The following SAMD15 variants were observed in gnomAD, a reference collection of about 807,000 sequenced individuals.
SAMD15 encodes sterile alpha motif domain containing 15.
SAMD15 carries 37 observed loss-of-function variants against 50.5 expected under a neutral mutation model. The ratio of observed to expected loss-of-function variants is 0.73; its 90% CI spans 0.56 to 0.96. The LOEUF is 0.96. Ranked by LOEUF, SAMD15 falls within the 40% of genes least tolerant of loss-of-function variation. The pLI is 0.00. For synonymous variants in SAMD15, 255 were observed against 282.8 expected (o/e 0.90, Z 0.99); for missense variants, 789 against 783.8 (o/e 1.01, Z -0.08).
At chr14:77,386,146 G>A (rs1390821436) in intron 2 of SAMD15, among the ~76,000 whole-genome samples, 1 of 152,100 alleles carries the variant, frequency 6.6e-6, no homozygotes, top group Non-Finnish European at 1.5e-5. Flanking sequence ...ATGAACCACT[G>A]CGCCTGGCCT....
chr14:77,388,397 G>A (rs2139653164), intron 2 of SAMD15, among the ~76,000 whole-genome samples: 1 of 149,512 alleles, frequency 6.7e-6, no homozygotes, highest in African/African-American at 2.5e-5. Flanking sequence ...GTGTGTGTGT[G>A]TGTGTGTGTG....
intron 1 of SAMD15, among the ~76,000 whole-genome samples, chr14:77,380,160 C>T (rs897097069): frequency 1.3e-5 from 2 of 152,154 alleles, no homozygotes; most frequent in African/African-American, 4.8e-5. Context: ...GGCAGGAGGA[C>T]TGCTTGAGTC....
intron 2 of SAMD15, 150 bp downstream of exon 2, chr14:77,380,631 C>T (rs1033132431): frequency 3.3e-6 from 2 of 609,422 alleles, no homozygotes; most frequent in Admixed American, 2.8e-5. Flanking sequence ...TGGTTGCCTC[C>T]TCTTTCTCCT....
intron 2 of SAMD15, among the ~76,000 whole-genome samples, chr14:77,389,493 A>G (rs1594863681): frequency 7.6e-6 from 1 of 132,176 alleles, no homozygotes; most frequent in Admixed American, 8.3e-5. Flanking sequence ...AAAGGCAATC[A>G]CAATTTTTTT....
intron 2 of SAMD15, among the ~76,000 whole-genome samples, chr14:77,384,132 T>C (rs962641998): frequency 2.0e-5 from 3 of 152,198 alleles, no homozygotes; most frequent in African/African-American, 7.2e-5. Context: ...ACCCACAATT[T>C]ATCCCATAAC....
intron 1 of SAMD15, 48 bp downstream of exon 1, chr14:77,379,155 C>G: frequency 2.0e-6 from 3 of 1,528,196 alleles, no homozygotes; most frequent in South Asian, 2.4e-5. Flanking sequence ...CATCCGTCTA[C>G]TTCTTATTCC....
rs561903652 is a variant in SAMD15 at position 77,380,696 on chromosome 14, G to A, written c.1788+215G>A. ...CCATTGCTCCTGTGGCACTTACACC[G>A]TCTGGCTTTCTTCATTCCCACTTTT... On this transcript the variant is annotated intron_variant, in intron 2 of 2. Coordinates refer to ENST00000216471, the MANE Select transcript of SAMD15 (RefSeq NM_001010860.4). 7.9e-5 allele frequency among the ~76,000 whole-genome samples: 12 copies of A among 151,982 alleles called. No homozygotes were observed. In the South Asian group the frequency reaches 1.0e-3, roughly 13 times the overall value.
At position 77,391,021 on chromosome 14, in the gene SAMD15, A is replaced by C; in HGVS notation, c.1802A>C (p.His601Pro). 1 of 1,609,068 alleles carries C rather than the reference A, an allele frequency of 6.2e-7. No individual in the cohort carries two copies. Among genetic ancestry groups the C allele is most frequent in the South Asian group, 1.1e-5 (1 of 90,024 alleles). Reference sequence around the variant, plus strand: ...CTTGCGTTTCAGGCAATTTCTCGGCATACGCAGGAGCTCCTGGAAATTGAA... The same window carrying C: ...CTTGCGTTTCAGGCAATTTCTCGGCCTACGCAGGAGCTCCTGGAAATTGAA... ...NFEDMKAISR[H>P]TQELLEIEEP... Residue 601 changes from histidine (H) to proline (P), a missense_variant, in exon 3 of 3, where the codon CAT (histidine) becomes CCT (proline). His to Pro is a moderately conservative substitution (Grantham distance 77, BLOSUM62 -2). This residue lies in a region of SAMD15 where 770 missense variants were observed against 745.4 expected (regional missense o/e 1.03). Transcript: ENST00000216471.
intron 2 of SAMD15, among the ~76,000 whole-genome samples, chr14:77,383,815 A>C (rs1318007585): frequency 6.6e-6 from 1 of 151,970 alleles, no homozygotes; most frequent in East Asian, 1.9e-4. Context: ...AAAATACAAA[A>C]TAAAAAAATT....
Position 77,378,253 on chromosome 14 carries a change from G to C in SAMD15, c.835G>C (p.Glu279Gln), listed in dbSNP as rs953172025. 1 of 1,614,048 alleles carries C rather than the reference G, an allele frequency of 6.2e-7. No homozygotes were observed. The highest frequency in any genetic ancestry group is 8.5e-7 in the Non-Finnish European group (1 of 1,179,986). ...PRKSSEEAGL[E>Q]PPEETQPEVP... is the part of the protein sequence containing the mutation. ...AAAGTCTAGTGAGGAGGCAGGTCTAGAGCCTCCAGAAGAGACTCAACCAGA... is the reference window on the plus strand; with the variant it reads ...AAAGTCTAGTGAGGAGGCAGGTCTACAGCCTCCAGAAGAGACTCAACCAGA... The change falls in exon 1 of 3, where the codon GAG (glutamate) becomes CAG (glutamine). Residue 279 changes from glutamate (E) to glutamine (Q), a missense_variant. Physicochemically the swap from Glu to Gln is conservative, Grantham distance 29. Coordinates refer to ENST00000216471, the MANE Select transcript of SAMD15 (RefSeq NM_001010860.4).
chr14:77,386,387 C>T (rs1190598211), intron 2 of SAMD15, among the ~76,000 whole-genome samples: 5 of 152,102 alleles, frequency 3.3e-5, no homozygotes, highest in Admixed American at 6.5e-5. Flanking sequence ...TCTTTGGGTC[C>T]GGCTTCCTTT....
intron 2 of SAMD15, among the ~76,000 whole-genome samples, chr14:77,383,811 C>A (rs985334616): frequency 1.3e-5 from 2 of 151,742 alleles, no homozygotes; most frequent in East Asian, 3.9e-4. Flanking sequence ...ACTAAAAATA[C>A]AAAATAAAAA....
rs753050748 is a variant in SAMD15, at chr14:77,377,504, A to C, written c.86A>C (p.His29Pro). 3.1e-6 allele frequency: 5 copies of C among 1,614,184 alleles called. 1 individual carries two copies. In the South Asian group the frequency reaches 4.4e-5, roughly 14 times the overall value. ...EPERPELPGL[H>P]KLYENAEPDT... is the part of the protein sequence containing the mutation. Reference sequence around the variant, plus strand: ...GAGAGGCCTGAACTGCCTGGACTTCATAAATTGTATGAAAATGCCGAACCA... The same window carrying C: ...GAGAGGCCTGAACTGCCTGGACTTCCTAAATTGTATGAAAATGCCGAACCA... Residue 29 changes from histidine (H) to proline (P), a missense_variant, in exon 1 of 3, where the codon CAT (histidine) becomes CCT (proline). Physicochemically the swap from His to Pro is moderately conservative, Grantham distance 77. Coordinates refer to ENST00000216471, the MANE Select transcript of SAMD15 (RefSeq NM_001010860.4).
In SAMD15 at chr14:77,377,437, G is replaced by C. The variant is rs1566698796; in HGVS notation, c.19G>C (p.Asp7His). 1 of 1,610,926 alleles carries C rather than the reference G, an allele frequency of 6.2e-7. No individual in the cohort carries two copies. The highest frequency in any genetic ancestry group is 1.7e-5 in the Admixed American group (1 of 59,120). ...GCTGCAAATGGCTGAAGTCCCGGAG[G>C]ATTATGATTCCGGCCCAGATGAAGA... MAEVPE[D>H]YDSGPDEDGE... is the part of the protein sequence containing the mutation. The change falls in exon 1 of 3, where the codon GAT becomes CAT. Residue 7 changes from aspartate (D) to histidine (H), a missense_variant. Physicochemically the swap from Asp to His is moderately conservative, Grantham distance 81. Around this residue, in one of 2 missense-constraint regions of SAMD15, gnomAD observed 770 missense variants for 745.4 expected, o/e 1.03. Coordinates refer to ENST00000216471, the MANE Select transcript of SAMD15 (RefSeq NM_001010860.4).
Position 77,377,586 on chromosome 14 carries a change from G to A in SAMD15, c.168G>A (p.Gln56=). The A allele has an allele frequency of 6.2e-7, 1 of 1,614,174 alleles. No individual in the cohort carries two copies. Among genetic ancestry groups the A allele is most frequent in the Non-Finnish European group, 8.5e-7 (1 of 1,180,030 alleles). ...KLPAEIYQEP[Q]PETEEEDFKE... is the part of the protein sequence containing the mutation. ...CAGCAGAGATTTACCAAGAGCCACA[G>A]CCAGAGACCGAGGAAGAGGACTTCA... is the stretch of plus-strand genomic sequence containing the variant. The change falls in exon 1 of 3, where the codon CAG becomes CAA. Residue 56 remains glutamine, a synonymous_variant. Coordinates refer to ENST00000216471, the MANE Select transcript of SAMD15 (RefSeq NM_001010860.4).
intron 2 of SAMD15, among the ~76,000 whole-genome samples, chr14:77,389,553 T>TAG (rs2139653826): frequency 7.6e-6 from 1 of 131,700 alleles, no homozygotes; most frequent in African/African-American, 3.0e-5. Context: ...TAGGCGGGAG[T>TAG]AGAGTGGTGC....
intron 2 of SAMD15, 60 bp downstream of exon 2, chr14:77,380,541 A>G: frequency 8.6e-7 from 1 of 1,156,816 alleles, no homozygotes. Flanking sequence ...ATCTGTCTCA[A>G]ACCAACCTTT....
rs780176710 is a variant in SAMD15 at position 77,378,756 on chromosome 14, A to G, written c.1338A>G (p.Arg446=). 3 of 1,611,650 alleles carry G rather than the reference A, an allele frequency of 1.9e-6. No homozygotes were observed. Among genetic ancestry groups the G allele is most frequent in the Non-Finnish European group, 2.5e-6 (3 of 1,179,356 alleles). ...AGCTAGAGCACCGTGAGCCTAAAAG[A>G]GGAAAGTTGTCACTAAGTGACAAAT... ...NDELEHREPK[R]GKLSLSDKFR... is the part of the protein sequence containing the mutation. Residue 446 remains arginine, a synonymous_variant, in exon 1 of 3, where the codon AGA becomes AGG. Coordinates refer to ENST00000216471, the MANE Select transcript of SAMD15 (RefSeq NM_001010860.4).
chr14:77,388,504 C>T (rs936170852), intron 2 of SAMD15, among the ~76,000 whole-genome samples: 9 of 151,858 alleles, frequency 5.9e-5, no homozygotes, highest in African/African-American at 1.2e-4. Context: ...CAGTCTCAAA[C>T]TCCTGGGCTC....
Sources: gnomAD v4.1 joint callset for allele counts (sites outside exome capture counted in the v4.1 genomes callset) on GRCh38, gnomAD v4.1.1 for gene constraint, gnomAD v4.1.1 regional missense constraint, MANE v1.5 for transcripts, NCBI Gene and HGNC (gene_info 2026-07-23, HGNC 2026-07-21) for gene names.